Variants in CHP1 observed in about 807,000 individuals in gnomAD.
CHP1 encodes calcineurin B homologous protein 1.
CHP1 carries 11 observed loss-of-function variants against 27.4 expected under a neutral mutation model. The observed-to-expected ratio is 0.40, with a 90% CI of 0.25 to 0.67. CHP1 has a LOEUF of 0.67. Among genes scored for constraint, CHP1 ranks in the 30% least tolerant of loss-of-function variants. The pLI is 0.38. For missense variants in CHP1, 169 were observed against 251.3 expected, an observed-to-expected ratio of 0.67 and a Z score of 2.22; for synonymous variants, 89 against 87.4, an observed-to-expected ratio of 1.02 and a Z score of -0.10.
intron 2 of CHP1, among the ~76,000 whole-genome samples, chr15:41,252,594 T>A (rs985715209): frequency 6.6e-6 from 1 of 152,200 alleles, no homozygotes; most frequent in Non-Finnish European, 1.5e-5. Flanking sequence ...AGAAGTTACC[T>A]GTGAGGCTGA....
At chr15:41,270,852 G>A (rs775734413) in intron 5 of CHP1, among the ~76,000 whole-genome samples, 17 of 152,122 alleles carry the variant, frequency 1.1e-4, no homozygotes, top group African/African-American at 3.1e-4. Context: ...GGTGGCTCAC[G>A]CCTGTAATCC....
At chr15:41,274,790 G>GTTTT (rs34053067) in intron 5 of CHP1, among the ~76,000 whole-genome samples, 6 of 120,750 alleles carry the variant, frequency 5.0e-5, no homozygotes, top group Non-Finnish European at 8.4e-5. Context: ...CATTGTCTTT[G>GTTTT]TTTTTTTTTT....
intron 3 of CHP1, among the ~76,000 whole-genome samples, 193 bp downstream of exon 3, chr15:41,257,183 G>T (rs2047404953): frequency 1.3e-5 from 2 of 152,094 alleles, no homozygotes; most frequent in Non-Finnish European, 2.9e-5. Context: ...ACTTCAAATA[G>T]ATATATGAGC....
At chr15:41,237,577 G>T (rs1442395010) in intron 1 of CHP1, among the ~76,000 whole-genome samples, 1 of 152,132 alleles carries the variant, frequency 6.6e-6, no homozygotes, top group East Asian at 1.9e-4. Flanking sequence ...CATGTCAGGG[G>T]GAATGTTAAG....
chr15:41,233,186 T>G (rs2047260990), intron 1 of CHP1, among the ~76,000 whole-genome samples: 1 of 152,210 alleles, frequency 6.6e-6, no homozygotes, highest in Non-Finnish European at 1.5e-5. Flanking sequence ...TCTGGCCACA[T>G]TTGTAATTAG....
At chr15:41,267,698 T>C (rs2047468544) in intron 4 of CHP1, among the ~76,000 whole-genome samples, 1 of 150,482 alleles carries the variant, frequency 6.6e-6, no homozygotes, top group South Asian at 2.1e-4. Flanking sequence ...ATAGCATTGA[T>C]TGAAGTAAAG....
intron 2 of CHP1, among the ~76,000 whole-genome samples, chr15:41,251,688 T>C (rs2047367619): frequency 6.6e-6 from 1 of 152,170 alleles, no homozygotes; most frequent in Admixed American, 6.5e-5. Flanking sequence ...TAATGCCTGC[T>C]GATCTGAGGT....
rs1595467482 is a variant in CHP1 at position 41,231,292 on chromosome 15, CT to C, written c.-89del. ...CAGTGGAAACACTGCCCTCTCCCTTCTTGACCCCTAGCCCTTCCTTCCCTCC... is the reference window on the plus strand; with the variant it reads ...CAGTGGAAACACTGCCCTCTCCCTTCTGACCCCTAGCCCTTCCTTCCCTCC... On this transcript the variant is annotated 5_prime_UTR_variant, in exon 1 of 7. Coordinates refer to ENST00000334660, the MANE Select transcript of CHP1 (RefSeq NM_007236.5). The C allele has an allele frequency of 7.7e-7, 1 of 1,295,198 alleles. No individual in the cohort carries two copies. Among genetic ancestry groups the C allele is most frequent in the African/African-American group, 1.5e-5 (1 of 68,110 alleles). 80.2% of individuals were successfully genotyped at this position (1,295,198 alleles called of 1,614,324 possible). A position where few individuals can be genotyped will look rare whatever the true frequency, so the allele number is the denominator to read the frequency against.
chr15:41,271,254 CAAAA>C (rs143070752), intron 5 of CHP1, among the ~76,000 whole-genome samples: 1,615 of 75,736 alleles, frequency 0.021, 32 homozygotes, highest in African/African-American at 0.078. Flanking sequence ...GATTCCGTCT[CAAAA>C]AAAAAAAAAA....
chr15:41,243,222 T>C (rs1307761685), intron 1 of CHP1, among the ~76,000 whole-genome samples: 1 of 152,050 alleles, frequency 6.6e-6, no homozygotes, highest in Admixed American at 6.6e-5. Flanking sequence ...AAGCCTGTAA[T>C]CCCAGCTACT....
chr15:41,273,961 CT>C (rs976865573), intron 5 of CHP1, among the ~76,000 whole-genome samples: 39 of 149,504 alleles, frequency 2.6e-4, no homozygotes, highest in Middle Eastern at 6.8e-3. Flanking sequence ...TAATAAACTT[CT>C]TTTTTTTTAT....
intron 1 of CHP1, among the ~76,000 whole-genome samples, chr15:41,236,708 C>G (rs1007429684): frequency 6.6e-6 from 1 of 152,140 alleles, no homozygotes; most frequent in African/African-American, 2.4e-5. Flanking sequence ...TTGAAAGTTG[C>G]AGGTATTGGA....
intron 2 of CHP1, among the ~76,000 whole-genome samples, chr15:41,246,548 G>A (rs2047335345): frequency 6.7e-6 from 1 of 148,472 alleles, no homozygotes; most frequent in East Asian, 2.0e-4. Flanking sequence ...TCAAACTCCT[G>A]ACCTCGTGAT....
intron 3 of CHP1, among the ~76,000 whole-genome samples, chr15:41,261,791 G>A (rs2047434289): frequency 1.3e-5 from 2 of 151,844 alleles, no homozygotes; most frequent in African/African-American, 2.4e-5. Flanking sequence ...TCGGGAGTTC[G>A]AGACTAGCCT....
At chr15:41,266,131 A>G (rs920132469) in intron 4 of CHP1, among the ~76,000 whole-genome samples, 6 of 152,170 alleles carry the variant, frequency 3.9e-5, no homozygotes, top group African/African-American at 1.4e-4. Flanking sequence ...TAAAAATACA[A>G]AATTAGCCAG....
chr15:41,261,685 T>C (rs766568957), intron 3 of CHP1, among the ~76,000 whole-genome samples: 5 of 151,734 alleles, frequency 3.3e-5, no homozygotes, highest in African/African-American at 7.3e-5. Context: ...GGTGAAACCC[T>C]GTCTGTACTA....
intron 4 of CHP1, among the ~76,000 whole-genome samples, chr15:41,265,362 TCAAAAAAAAAAAAAAA>T: frequency 2.0e-5 from 1 of 49,138 alleles, no homozygotes; most frequent in Non-Finnish European, 3.7e-5. Context: ...AGACTCTGTC[TCAAAAAAAAAAAAAAA>T]AAAAAAAAAA....
intron 5 of CHP1, among the ~76,000 whole-genome samples, chr15:41,278,038 A>C: frequency 6.6e-6 from 1 of 151,244 alleles, no homozygotes; most frequent in African/African-American, 2.4e-5. Context: ...CTTTTTTAAC[A>C]AATTTTTTGG....
chr15:41,257,561 G>A (rs546228328), intron 3 of CHP1, among the ~76,000 whole-genome samples: 4 of 148,256 alleles, frequency 2.7e-5, no homozygotes, highest in African/African-American at 5.1e-5. Flanking sequence ...TCCTTTTTTC[G>A]TTTGTTTGTT....
Sources: allele counts gnomAD v4.1 joint callset (sites outside exome capture counted in the v4.1 genomes callset), GRCh38; gene constraint gnomAD v4.1.1; transcripts MANE v1.5; gene names NCBI Gene and HGNC (gene_info 2026-07-23, HGNC 2026-07-21).